Variants in PDE4D observed in about 807,000 individuals in gnomAD.
PDE4D encodes 3',5'-cyclic-AMP phosphodiesterase 4D.
In PDE4D, 24 loss-of-function variants were observed where a neutral mutation model predicts 87.4. The ratio of observed to expected loss-of-function variants is 0.27; its 90% CI spans 0.20 to 0.39. The LOEUF (loss-of-function observed/expected upper bound fraction) is 0.39. PDE4D is among the 10% of genes least tolerant of loss of function. The pLI is 1.00. For missense variants in PDE4D, 714 were observed against 1,041.0 expected (o/e 0.69, Z 4.32); for synonymous variants, 384 against 383.2 (o/e 1.00, Z -0.02).
In PDE4D at chr5:59,771,479, AAGAAAGAG is replaced by A. The variant is rs1184759439; in HGVS notation, c.455+121681_455+121688del. ...AAAGAAAGAAAGAAAGAAAGAAAGA[AAGAAAGAG>A]AGAGAGAGAGAGAAGAAAGAAAGAA... On this transcript the variant is annotated intron_variant, in intron 1 of 14. Transcript: ENST00000340635. Among the ~76,000 whole-genome samples the A allele has an allele frequency of 3.7e-4, 25 of 68,472 alleles. 1 individual carries two copies. The highest frequency in any genetic ancestry group is 1.2e-3 in the African/African-American group (23 of 18,872). The allele number at this position is 68,472 out of a possible 152,430, so 44.9% of individuals were successfully genotyped here. A position where few individuals can be genotyped will look rare whatever the true frequency, so the allele number is the denominator to read the frequency against.
chr5:58,971,594 C>T lies in PDE4D; in HGVS notation c.*3070G>A, dbSNP rs1361224802. On this transcript the variant is annotated 3_prime_UTR_variant, in exon 15 of 15. Transcript: ENST00000340635. ...TTATCATAAAGCTTTCTGTAAAATC[C>T]ATTTCATTCAAGTTTTTTCTTTCCT... 1 of 152,482 alleles carries T rather than the reference C, an allele frequency of 6.6e-6. No homozygotes were observed. Among genetic ancestry groups the T allele is most frequent in the Admixed American group, 6.5e-5 (1 of 15,274 alleles). 9.4% of individuals were successfully genotyped at this position (152,482 alleles called of 1,614,324 possible). A position where few individuals can be genotyped will look rare whatever the true frequency, so the allele number is the denominator to read the frequency against.
intron 1 of PDE4D, among the ~76,000 whole-genome samples, chr5:59,499,053 G>T (rs1807765760): frequency 6.6e-6 from 1 of 151,770 alleles, no homozygotes; most frequent in African/African-American, 2.4e-5. Flanking sequence ...CAAAAAATCA[G>T]AATCATACCA....
At chr5:59,619,960 G>C (rs1397321485) in intron 1 of PDE4D, among the ~76,000 whole-genome samples, 1 of 152,162 alleles carries the variant, frequency 6.6e-6, no homozygotes, top group Non-Finnish European at 1.5e-5. Flanking sequence ...AGTGTTTTAA[G>C]TATGTTTAAA....
intron 5 of PDE4D, among the ~76,000 whole-genome samples, chr5:59,123,794 T>C (rs62356723): frequency 0.22 from 33,463 of 152,190 alleles, 4,778 homozygotes; most frequent in Non-Finnish European, 0.31. Context: ...TGAGGCAGCA[T>C]AGCATAACAC....
Position 60,416,678 on chromosome 5 carries a change from G to A in PDE4D, c.-90+71264C>T, listed in dbSNP as rs553429887. On this transcript the variant is annotated intron_variant, in intron 1 of 16. Transcript: ENST00000502484. ...ACTGTAACACTCACCATGAGCGTCC[G>A]CGGCTTCATTCTTGAAGTCAGTGAG... 7.2e-5 allele frequency among the ~76,000 whole-genome samples: 11 copies of A among 152,288 alleles called. No homozygotes were observed. The South Asian group carries it at 8.3e-4, about 11-fold the overall frequency.
Position 58,974,329 on chromosome 5 carries a change from A to C in PDE4D, c.*335T>G, listed in dbSNP as rs1443730834. ...ATTGCAAACAAATAAAAAGGAATAG[A>C]AACCCCAAGTCCAATAAACTTTTGG... is the stretch of plus-strand genomic sequence containing the variant. On this transcript the variant is annotated 3_prime_UTR_variant, in exon 15 of 15. Coordinates refer to ENST00000340635, the MANE Select transcript of PDE4D (RefSeq NM_001104631.2). The C allele has an allele frequency of 5.3e-6, 1 of 187,170 alleles. No individual in the cohort carries two copies. The highest frequency in any genetic ancestry group is 1.1e-5 in the Non-Finnish European group (1 of 91,182). 11.6% of individuals were successfully genotyped at this position (187,170 alleles called of 1,614,324 possible). A position where few individuals can be genotyped will look rare whatever the true frequency, so the allele number is the denominator to read the frequency against.
chr5:59,379,596 T>C (rs1785377129), intron 1 of PDE4D, among the ~76,000 whole-genome samples: 1 of 152,144 alleles, frequency 6.6e-6, no homozygotes, highest in African/African-American at 2.4e-5. Flanking sequence ...TCTCTATCAC[T>C]TAATGTCATT....
intron 5 of PDE4D, among the ~76,000 whole-genome samples, chr5:59,153,054 G>A (rs1779676720): frequency 6.6e-6 from 1 of 152,068 alleles, no homozygotes; most frequent in African/African-American, 2.4e-5. Flanking sequence ...CCAAGTCAGA[G>A]GGAAAGAAAA....
chr5:60,265,864 T>G lies in PDE4D; in HGVS notation c.-89-80177A>C, dbSNP rs192872463. Among the ~76,000 whole-genome samples, 411 of 152,264 alleles carry G rather than the reference T, an allele frequency of 2.7e-3. 1 individual carries two copies. The highest frequency in any genetic ancestry group is 6.8e-3 in the Middle Eastern group (2 of 294). On this transcript the variant is annotated intron_variant, in intron 1 of 16. Coordinates refer to the PDE4D transcript ENST00000502484. Reference sequence around the variant, plus strand: ...AGCAAGGTGATTCTTTGAAGCAGCCTCTCTGACAATTGTATTCACTACAAA... The same window carrying G: ...AGCAAGGTGATTCTTTGAAGCAGCCGCTCTGACAATTGTATTCACTACAAA...
intron 1 of PDE4D, among the ~76,000 whole-genome samples, chr5:60,327,462 C>G (rs1267572138): frequency 6.6e-6 from 1 of 152,128 alleles, no homozygotes; most frequent in Non-Finnish European, 1.5e-5. Flanking sequence ...GATTAGACTG[C>G]CCTTTTTGCA....
chr5:59,655,178 C>G (rs1211601337), intron 1 of PDE4D, among the ~76,000 whole-genome samples: 3 of 151,594 alleles, frequency 2.0e-5, no homozygotes, highest in African/African-American at 7.3e-5. Flanking sequence ...AAAATTAATG[C>G]CAAATTCTGT....
intron 1 of PDE4D, among the ~76,000 whole-genome samples, chr5:59,605,596 T>C (rs1385803179): frequency 2.6e-5 from 4 of 152,070 alleles, no homozygotes; most frequent in African/African-American, 9.7e-5. Flanking sequence ...ACCAACATTC[T>C]CAAACAGGGG....
intron 1 of PDE4D, among the ~76,000 whole-genome samples, chr5:59,694,337 T>C (rs1190797384): frequency 6.6e-6 from 1 of 152,196 alleles, no homozygotes; most frequent in Non-Finnish European, 1.5e-5. Flanking sequence ...TTAGGTCAGC[T>C]TGAAGTGAAG....
At chr5:60,497,246 C>T (rs977765678) in intron 1 of PDE4D, among the ~76,000 whole-genome samples, 6 of 152,072 alleles carry the variant, frequency 3.9e-5, no homozygotes, top group East Asian at 1.9e-4. Flanking sequence ...ACAGGCACAC[C>T]GAGTTTAACC....
intron 2 of PDE4D, among the ~76,000 whole-genome samples, chr5:59,202,269 T>C (rs955797118): frequency 3.9e-5 from 6 of 152,106 alleles, no homozygotes; most frequent in Non-Finnish European, 8.8e-5. Flanking sequence ...CTCGATCTCC[T>C]GACGTCGTGA....
intron 1 of PDE4D, chr5:59,430,458 T>A (rs1795941236): frequency 1.6e-6 from 2 of 1,229,258 alleles, no homozygotes; most frequent in East Asian, 6.3e-5. Context: ...ATCTGAGTAG[T>A]CAGACCAGCA....
chr5:59,169,752 C>G (rs1454003437), intron 5 of PDE4D, among the ~76,000 whole-genome samples: 1 of 152,190 alleles, frequency 6.6e-6, no homozygotes, highest in African/African-American at 2.4e-5. Context: ...AGCCCTCTCA[C>G]CTGCTTTCTT....
chr5:59,061,881 C>T (rs1763172065), intron 5 of PDE4D, among the ~76,000 whole-genome samples: 1 of 151,960 alleles, frequency 6.6e-6, no homozygotes. Flanking sequence ...TATAAAACGG[C>T]TATAAGTACC....
intron 1 of PDE4D, among the ~76,000 whole-genome samples, chr5:59,320,544 T>C (rs943788654): frequency 2.0e-5 from 3 of 152,174 alleles, no homozygotes; most frequent in African/African-American, 4.8e-5. Flanking sequence ...TTATACTTAT[T>C]TGATGTAATT....
Sources: allele counts gnomAD v4.1 joint callset (sites outside exome capture counted in the v4.1 genomes callset), GRCh38; gene constraint gnomAD v4.1.1; transcripts MANE v1.5; gene names NCBI Gene and HGNC (gene_info 2026-07-23, HGNC 2026-07-21).